CSMD1: variants seen among roughly 807,000 people sequenced by gnomAD.
CSMD1 encodes CUB and sushi domain-containing protein 1.
CSMD1 carries 213 observed loss-of-function variants against 417.5 expected under a neutral mutation model. That is an observed-to-expected ratio of 0.51 (90% CI 0.46 to 0.57). CSMD1 has a LOEUF of 0.57. CSMD1 is among the 20% of genes least tolerant of loss of function. The probability of loss-of-function intolerance (pLI) is 0.00; values close to 1 mark genes in which losing one functional copy is unlikely to be tolerated. For missense variants in CSMD1, 6,923 were observed against 4,529.7 expected (o/e 1.53, Z -15.17); for synonymous variants, 2,862 against 1,736.8 (o/e 1.65, Z -16.11).
intron 1 of CSMD1, among the ~76,000 whole-genome samples, chr8:4,893,685 C>G (rs758849319): frequency 1.3e-5 from 2 of 152,112 alleles, no homozygotes; most frequent in Non-Finnish European, 2.9e-5. Flanking sequence ...CAAACTGTCA[C>G]CTGTACCATA....
chr8:3,911,748 C>G (rs73499832), intron 5 of CSMD1, among the ~76,000 whole-genome samples: 1 of 152,094 alleles, frequency 6.6e-6, no homozygotes, highest in African/African-American at 2.4e-5. Context: ...AAGACTTTTC[C>G]ATCAGAAATC....
intron 5 of CSMD1, among the ~76,000 whole-genome samples, chr8:3,777,616 C>G (rs1798961736): frequency 6.6e-6 from 1 of 152,194 alleles, no homozygotes; most frequent in Admixed American, 6.5e-5. Flanking sequence ...GATGCCTCCC[C>G]CACCAGCATC....
chr8:4,332,552 T>TACAGAC (rs1799926743), intron 3 of CSMD1, among the ~76,000 whole-genome samples: 2 of 128,746 alleles, frequency 1.6e-5, no homozygotes, highest in East Asian at 2.6e-4. Flanking sequence ...TGATATCACA[T>TACAGAC]ACACACACAC....
At chr8:4,350,303 T>C (rs1233568077) in intron 3 of CSMD1, among the ~76,000 whole-genome samples, 3 of 152,162 alleles carry the variant, frequency 2.0e-5, no homozygotes, top group Non-Finnish European at 4.4e-5. Flanking sequence ...TGCTGTCTAC[T>C]TGAGGTCTAA....
intron 3 of CSMD1, among the ~76,000 whole-genome samples, chr8:4,041,129 G>C (rs565546758): frequency 6.8e-6 from 1 of 147,566 alleles, no homozygotes; most frequent in Non-Finnish European, 1.5e-5. Flanking sequence ...CCATTCTCCT[G>C]CCTCAGCCTC....
intron 1 of CSMD1, among the ~76,000 whole-genome samples, chr8:4,841,369 G>C (rs751952163): frequency 5.9e-5 from 9 of 152,136 alleles, no homozygotes; most frequent in Non-Finnish European, 1.0e-4. Flanking sequence ...GAACCACTGA[G>C]CTTCTTGAAG....
chr8:4,229,488 G>C (rs971558346), intron 3 of CSMD1, among the ~76,000 whole-genome samples: 1 of 152,142 alleles, frequency 6.6e-6, no homozygotes, highest in Non-Finnish European at 1.5e-5. Context: ...ACCAAAGAAA[G>C]AACATTTTGT....
At chr8:4,773,445 C>T (rs1216145193) in intron 1 of CSMD1, among the ~76,000 whole-genome samples, 1 of 152,132 alleles carries the variant, frequency 6.6e-6, no homozygotes, top group African/African-American at 2.4e-5. Context: ...TTGGGGGAGG[C>T]CTGTGCACCC....
At chr8:3,586,338 A>G in intron 8 of CSMD1, 78 bp from the exon 9 acceptor site, 1 of 1,354,826 alleles carries the variant, frequency 7.4e-7, no homozygotes, top group East Asian at 2.5e-5. Flanking sequence ...AAAATCAGCA[A>G]AATGGCTGCT....
intron 5 of CSMD1, among the ~76,000 whole-genome samples, chr8:3,774,772 T>G (rs767713998): frequency 6.6e-6 from 1 of 152,176 alleles, no homozygotes; most frequent in Non-Finnish European, 1.5e-5. Context: ...GAGTACAATA[T>G]GGATGACACA....
At chr8:4,371,830 G>A (rs74530488) in intron 3 of CSMD1, among the ~76,000 whole-genome samples, 1 of 152,154 alleles carries the variant, frequency 6.6e-6, no homozygotes, top group African/African-American at 2.4e-5. Flanking sequence ...TGGAGGAACA[G>A]GGTCAAGTAA....
At chr8:3,536,445 T>C (rs948191116) in intron 10 of CSMD1, among the ~76,000 whole-genome samples, 1 of 152,216 alleles carries the variant, frequency 6.6e-6, no homozygotes, top group Non-Finnish European at 1.5e-5. Flanking sequence ...GGTTCACCAA[T>C]GGGCTGAGTG....
chr8:3,655,082 A>G (rs1473757861), intron 7 of CSMD1, among the ~76,000 whole-genome samples: 3 of 152,248 alleles, frequency 2.0e-5, no homozygotes, highest in African/African-American at 7.2e-5. Context: ...TTTTTTAACC[A>G]ATTTATTTTC....
chr8:3,956,853 C>G (rs2948656), intron 5 of CSMD1, among the ~76,000 whole-genome samples: 1 of 152,186 alleles, frequency 6.6e-6, no homozygotes, highest in Non-Finnish European at 1.5e-5. Flanking sequence ...CTCTTCCTGA[C>G]TAGGAACTCC....
At chr8:4,104,552 C>A (rs1044192408) in intron 3 of CSMD1, among the ~76,000 whole-genome samples, 1 of 152,204 alleles carries the variant, frequency 6.6e-6, no homozygotes, top group Non-Finnish European at 1.5e-5. Context: ...TTTTCAAAGC[C>A]ACTTTTCTGT....
intron 10 of CSMD1, among the ~76,000 whole-genome samples, chr8:3,501,737 G>T (rs187315548): frequency 2.4e-4 from 36 of 152,176 alleles, no homozygotes; most frequent in Non-Finnish European, 4.1e-4. Context: ...TTATTAACAC[G>T]GTTGCAAGAA....
chr8:4,247,082 G>A (rs1203271223), intron 3 of CSMD1, among the ~76,000 whole-genome samples: 1 of 152,146 alleles, frequency 6.6e-6, no homozygotes, highest in Non-Finnish European at 1.5e-5. Flanking sequence ...GCTACCCCAT[G>A]GGTTGTACGG....
chr8:4,839,420 T>C (rs1322778241), intron 1 of CSMD1, among the ~76,000 whole-genome samples: 2 of 152,174 alleles, frequency 1.3e-5, no homozygotes, highest in Non-Finnish European at 2.9e-5. Flanking sequence ...ACATTCTACT[T>C]TGTATTTCTA....
intron 5 of CSMD1, among the ~76,000 whole-genome samples, chr8:3,990,563 G>C (rs1814666151): frequency 1.3e-5 from 2 of 152,144 alleles, no homozygotes; most frequent in African/African-American, 4.8e-5. Flanking sequence ...CAATAAATTA[G>C]AAAAGTGTCC....
Sources: gnomAD v4.1 joint callset for allele counts (sites outside exome capture counted in the v4.1 genomes callset) on GRCh38, gnomAD v4.1.1 for gene constraint, MANE v1.5 for transcripts, NCBI Gene and HGNC (gene_info 2026-07-23, HGNC 2026-07-21) for gene names.